Variants in CYP2A7 observed in about 807,000 individuals in gnomAD.
CYP2A7 encodes the protein cytochrome P450 2A7.
CYP2A7 carries 36 observed loss-of-function variants against 42.0 expected under a neutral mutation model. The observed-to-expected ratio is 0.86, with a 90% CI of 0.66 to 1.13. The LOEUF (loss-of-function observed/expected upper bound fraction) is 1.13, where lower values mean the gene tolerates loss of function less well. Ranked by LOEUF, CYP2A7 falls within the 50% of genes most tolerant of loss-of-function variation. The pLI, the probability that CYP2A7 is intolerant of heterozygous loss-of-function variation, is 0.00. For synonymous variants in CYP2A7, 260 were observed against 249.5 expected (o/e 1.04, Z -0.40); for missense variants, 661 against 634.1 (o/e 1.04, Z -0.46).
In CYP2A7 at chr19:40,878,673, G is replaced by T. The variant is rs4453619; in HGVS notation, c.831+87C>A. 7.6e-5 allele frequency: 117 copies of T among 1,534,380 alleles called. 2 individuals carry two copies. In the African/African-American group the frequency reaches 1.3e-3, roughly 17 times the overall value. On this transcript the variant is annotated intron_variant, in intron 5 of 8. Coordinates refer to ENST00000301146, the MANE Select transcript of CYP2A7 (RefSeq NM_000764.3). ...TATTATGATGAGGGCTAATTTGAAC[G>T]GGTCTGTGTCGTCTGCCCGCCCCAC...
rs530875142 is a variant in CYP2A7 at position 40,875,535 on chromosome 19, A to C, written c.*158T>G. ...GCTCGGAAGCACCTTATCAAGGTGAACTGAGCCGCTTCTGTTTCTTCTCTT... is the reference window on the plus strand; with the variant it reads ...GCTCGGAAGCACCTTATCAAGGTGACCTGAGCCGCTTCTGTTTCTTCTCTT... On this transcript the variant is annotated 3_prime_UTR_variant, in exon 9 of 9. Coordinates refer to ENST00000301146, the MANE Select transcript of CYP2A7 (RefSeq NM_000764.3). 2.2e-5 allele frequency: 22 copies of C among 991,076 alleles called. 1 individual carries two copies. Among genetic ancestry groups the C allele is most frequent in the African/African-American group, 1.8e-4 (11 of 60,044 alleles). 61.4% of individuals were successfully genotyped at this position (991,076 alleles called of 1,614,324 possible). A position where few individuals can be genotyped will look rare whatever the true frequency, so the allele number is the denominator to read the frequency against.
rs201465440 is a variant in CYP2A7 at position 40,880,436 on chromosome 19, T to C, written c.493+43A>G. 44 of 1,601,008 alleles carry C rather than the reference T, an allele frequency of 2.7e-5. No homozygotes were observed. The African/African-American group carries it at 5.4e-4, about 19-fold the overall frequency. ...ACGCGCGCGGGTTCCTCGTCCTGGGTGTTTTCCTTCTCCTGCCCCCGCACT... is the reference window on the plus strand; with the variant it reads ...ACGCGCGCGGGTTCCTCGTCCTGGGCGTTTTCCTTCTCCTGCCCCCGCACT... On this transcript the variant is annotated intron_variant, in intron 3 of 8. Coordinates refer to ENST00000301146, the MANE Select transcript of CYP2A7 (RefSeq NM_000764.3).
Position 40,875,631 on chromosome 19 carries a change from C to A in CYP2A7, c.*62G>T, listed in dbSNP as rs1196818866. The A allele has an allele frequency of 3.5e-5, 57 of 1,609,898 alleles. 1 individual carries two copies. In the Admixed American group the frequency reaches 8.6e-4, roughly 24 times the overall value. On this transcript the variant is annotated 3_prime_UTR_variant, in exon 9 of 9. Coordinates refer to ENST00000301146, the MANE Select transcript of CYP2A7 (RefSeq NM_000764.3). ...TCTTATACCCGCCTCTTCCGCGAACCCCGCCCTGACCCCGCCTTTCCCTGG... is the reference window on the plus strand; with the variant it reads ...TCTTATACCCGCCTCTTCCGCGAACACCGCCCTGACCCCGCCTTTCCCTGG...
chr19:40,879,999 G>T (rs1448754411), intron 4 of CYP2A7, 85 bp downstream of exon 4: 1 of 1,575,850 alleles, frequency 6.3e-7, no homozygotes, highest in Non-Finnish European at 8.7e-7. Flanking sequence ...GGAGCGGGGT[G>T]GGAGTTTGGG....
At chr19:40,878,710 T>A in intron 5 of CYP2A7, 50 bp downstream of exon 5, 2 of 1,599,384 alleles carry the variant, frequency 1.3e-6, no homozygotes, top group East Asian at 4.5e-5. Flanking sequence ...CCCAGTCTGA[T>A]TTCCCTCTGC....
Position 40,877,478 on chromosome 19 carries a change from T to C in CYP2A7, c.974-101A>G. ...GGGGTGGATGATACGGCTCCCCCTATGAGACGGAGGTAGAGCATTCATAAC... is the reference window on the plus strand; with the variant it reads ...GGGGTGGATGATACGGCTCCCCCTACGAGACGGAGGTAGAGCATTCATAAC... On this transcript the variant is annotated intron_variant, in intron 6 of 8. Transcript: ENST00000301146. The C allele has an allele frequency of 2.2e-5, 33 of 1,508,252 alleles. 2 individuals are homozygous for C. The highest frequency in any genetic ancestry group is 3.0e-5 in the Non-Finnish European group (33 of 1,110,486). The allele number at this position is 1,508,252 out of a possible 1,614,324, so 93.4% of individuals were successfully genotyped here. A position where few individuals can be genotyped will look rare whatever the true frequency, so the allele number is the denominator to read the frequency against.
In CYP2A7 at chr19:40,877,118, T is replaced by TG. The variant is rs1168907708; in HGVS notation, c.1161+71dup. ...GGGACAGTGAGTAGAAAGCTTCTAA[T>TG]GGGGGCAGGATTCTGGGGACACAGA... On this transcript the variant is annotated intron_variant, in intron 7 of 8. Transcript: ENST00000301146. 24 of 1,545,606 alleles carry TG rather than the reference T, an allele frequency of 1.6e-5. 1 individual carries two copies. In the Admixed American group the frequency reaches 3.5e-4, roughly 22 times the overall value.
chr19:40,881,511 A>G lies in CYP2A7; in HGVS notation c.343+78T>C. ...TCTGCCATAGCCTCCAGTGGGCAGG[A>G]GAGTCAGGGAGAAGGCTGGCAACAC... On this transcript the variant is annotated intron_variant, in intron 2 of 8. Transcript: ENST00000301146. 3 of 1,595,002 alleles carry G rather than the reference A, an allele frequency of 1.9e-6. No homozygotes were observed. The Admixed American group carries it at 5.1e-5, about 27-fold the overall frequency.
chr19:40,877,856 C>G lies in CYP2A7; in HGVS notation c.969G>C (p.Val323=). The G allele has an allele frequency of 6.2e-7, 1 of 1,604,704 alleles. No individual in the cohort carries two copies. Among genetic ancestry groups the G allele is most frequent in the Non-Finnish European group, 8.5e-7 (1 of 1,176,102 alleles). Residue 323 remains valine, a synonymous_variant, in exon 6 of 9, where the codon GTG becomes GTC. Coordinates refer to ENST00000301146, the MANE Select transcript of CYP2A7 (RefSeq NM_000764.3). Reference sequence around the variant, plus strand: ...TCCGTCCCCCTCCAGCCTTACCCTCCACCTCTGGGTGCTTCATGAGCAGCA... The same window carrying G: ...TCCGTCCCCCTCCAGCCTTACCCTCGACCTCTGGGTGCTTCATGAGCAGCA... ...GFLLLMKHPE[V]EAKVHEEIDR...
chr19:40,880,638 TCAA>T lies in CYP2A7; in HGVS notation c.344-13_344-11del, dbSNP rs1387160783. 40 of 1,586,304 alleles carry T rather than the reference TCAA, an allele frequency of 2.5e-5. No homozygotes were observed. Among genetic ancestry groups the T allele is most frequent in the Admixed American group, 8.8e-5 (5 of 56,564 alleles). On this transcript the variant is annotated splice_polypyrimidine_tract_variant and intron_variant, in intron 2 of 8. Transcript: ENST00000301146. ...TTGCTGAACGCCACGCCTGGGGAGGTCAAGGCGGGGGTGGAGAGAGGTCAGGGG... is the reference window on the plus strand; with the variant it reads ...TTGCTGAACGCCACGCCTGGGGAGGTGGCGGGGGTGGAGAGAGGTCAGGGG...
At position 40,880,491 on chromosome 19, in the gene CYP2A7, G is replaced by A. The variant is rs764425187; in HGVS notation, c.481C>T (p.Arg161Trp). ...GAACCTTACTCACCGTGCGTGCTCCGGATGGCCTCGATGAGGAAGCCCGAC... is the reference window on the plus strand; with the variant it reads ...GAACCTTACTCACCGTGCGTGCTCCAGATGGCCTCGATGAGGAAGCCCGAC... Reference protein sequence around the residue: ...EESGFLIEAIRSTHGANIDPT... With the variant: ...EESGFLIEAIWSTHGANIDPT... Residue 161 changes from arginine (R) to tryptophan (W), a missense_variant, in exon 3 of 9, where the codon CGG becomes TGG. Physicochemically the swap from Arg to Trp is moderately radical, Grantham distance 101. Coordinates refer to ENST00000301146, the MANE Select transcript of CYP2A7 (RefSeq NM_000764.3). 7.6e-5 allele frequency: 123 copies of A among 1,612,436 alleles called. 5 individuals are homozygous for A. The highest frequency in any genetic ancestry group is 9.3e-5 in the Non-Finnish European group (110 of 1,179,016).
Position 40,876,431 on chromosome 19 carries a change from G to A in CYP2A7, c.1303+96C>T, listed in dbSNP as rs1409671597. The A allele has an allele frequency of 5.0e-6, 8 of 1,594,824 alleles. No individual in the cohort carries two copies. In the African/African-American group the frequency reaches 9.4e-5, roughly 19 times the overall value. On this transcript the variant is annotated intron_variant, in intron 8 of 8. Coordinates refer to ENST00000301146, the MANE Select transcript of CYP2A7 (RefSeq NM_000764.3). ...AGATTCTAACAGGAACTTCCAAGCT[G>A]GAGAAATACCAGGCTACACCGCAGA... is the stretch of plus-strand genomic sequence containing the variant.
Position 40,878,768 on chromosome 19 carries a change from T to G in CYP2A7, c.823A>C (p.Met275Leu). 1 of 1,611,110 alleles carries G rather than the reference T, an allele frequency of 6.2e-7. No homozygotes were observed. The highest frequency in any genetic ancestry group is 1.7e-4 in the Middle Eastern group (1 of 6,048). The change falls in exon 5 of 9, where the codon ATG becomes CTG. Residue 275 changes from methionine (M) to leucine (L), a missense_variant. By Grantham distance (15) the Met-to-Leu change is conservative. This residue lies in a region of CYP2A7 where 614 missense variants were observed against 552.4 expected (regional missense o/e 1.11). Coordinates refer to ENST00000301146, the MANE Select transcript of CYP2A7 (RefSeq NM_000764.3). Reference sequence around the variant, plus strand: ...TGGCTGCTGGGGTGTACCTCCTGCATGTGGATGAGAAAGGAGTCGATGAAG... The same window carrying G: ...TGGCTGCTGGGGTGTACCTCCTGCAGGTGGATGAGAAAGGAGTCGATGAAG... ...QDFIDSFLIH[M>L]QEEEKNPNTE...
chr19:40,881,880 A>C, intron 1 of CYP2A7, 129 bp from the exon 2 acceptor site: 1 of 1,512,366 alleles, frequency 6.6e-7, no homozygotes. Flanking sequence ...ACATCCCAAG[A>C]TCCTGTCTTT....
chr19:40,878,674 G>C (rs1323961870), intron 5 of CYP2A7, 86 bp downstream of exon 5: 9 of 1,554,852 alleles, frequency 5.8e-6, no homozygotes, highest in African/African-American at 2.7e-5. Context: ...AATTTGAACG[G>C]GTCTGTGTCG....
At position 40,875,589 on chromosome 19, in the gene CYP2A7, C is replaced by T; in HGVS notation, c.*104G>A. 1.3e-6 allele frequency: 2 copies of T among 1,571,554 alleles called. No homozygotes were observed. Among genetic ancestry groups the T allele is most frequent in the South Asian group, 1.2e-5 (1 of 86,278 alleles). On this transcript the variant is annotated 3_prime_UTR_variant, in exon 9 of 9. Coordinates refer to ENST00000301146, the MANE Select transcript of CYP2A7 (RefSeq NM_000764.3). The stretch of plus-strand genomic sequence containing the variant: ...TCTAGCCACCACGCCCCTTCCTTTC[C>T]CGCATCTTCCCCCCATTCTTATACC...
Position 40,880,128 on chromosome 19 carries a change from T to G in CYP2A7, c.610A>C (p.Met204Leu). ...EDKEFLSLLSMMLGIFQFTST... is the reference protein window; with the variant it reads ...EDKEFLSLLSLMLGIFQFTST... ...GTGAACTGGAAGATTCCTAGCATCA[T>G]GCTCAGCAGTGACAGGAACTCTTTG... The change falls in exon 4 of 9, where the codon ATG becomes CTG. Residue 204 changes from methionine to leucine, a missense_variant. This residue lies in a region of CYP2A7 where 614 missense variants were observed against 552.4 expected (regional missense o/e 1.11). Coordinates refer to ENST00000301146, the MANE Select transcript of CYP2A7 (RefSeq NM_000764.3). 6.2e-7 allele frequency: 1 copy of G among 1,612,762 alleles called. No individual in the cohort carries two copies. Among genetic ancestry groups the G allele is most frequent in the Non-Finnish European group, 8.5e-7 (1 of 1,179,160 alleles).
chr19:40,880,348 C>T, intron 3 of CYP2A7, 104 bp from the exon 4 acceptor site: 15 of 1,543,378 alleles, frequency 9.7e-6, no homozygotes, highest in Non-Finnish European at 1.3e-5. Flanking sequence ...AAATTCCCAG[C>T]GCCAGACTCC....
At chr19:40,880,457 G>C in intron 3 of CYP2A7, 22 bp downstream of exon 3, 1 of 1,606,952 alleles carries the variant, frequency 6.2e-7, no homozygotes, top group Non-Finnish European at 8.5e-7. Context: ...TCCTGCCCCC[G>C]CACTCGGGGA....
Sources: gnomAD v4.1 joint callset for allele counts on GRCh38, gnomAD v4.1.1 for gene constraint, gnomAD v4.1.1 regional missense constraint, MANE v1.5 for transcripts, NCBI Gene and HGNC (gene_info 2026-07-23, HGNC 2026-07-21) for gene names.